Variants in ITGAE observed in about 807,000 individuals in gnomAD.
The protein encoded by ITGAE is integrin subunit alpha E.
ITGAE carries 99 observed loss-of-function variants against 136.5 expected under a neutral mutation model. That is an observed-to-expected ratio of 0.73 (90% CI 0.62 to 0.86). The LOEUF (loss-of-function observed/expected upper bound fraction) is 0.86. Ranked by LOEUF, ITGAE falls within the 40% of genes least tolerant of loss-of-function variation. The pLI is 0.00. For synonymous variants in ITGAE, 613 were observed against 591.8 expected, an observed-to-expected ratio of 1.04 and a Z score of -0.52; for missense variants, 1,447 against 1,515.3, an observed-to-expected ratio of 0.95 and a Z score of 0.75.
chr17:3,721,062 G>A (rs1012044552), intron 28 of ITGAE, among the ~76,000 whole-genome samples: 5 of 151,682 alleles, frequency 3.3e-5, no homozygotes, highest in Admixed American at 6.6e-5. Flanking sequence ...CTGAGTAGCT[G>A]AGACCACAGG....
chr17:3,767,235 T>C (rs2052321537), intron 2 of ITGAE, among the ~76,000 whole-genome samples: 1 of 152,150 alleles, frequency 6.6e-6, no homozygotes, highest in Non-Finnish European at 1.5e-5. Context: ...GTGCTGCGAT[T>C]ACAGGCGCCC....
chr17:3,753,376 T>C lies in ITGAE; in HGVS notation c.1582A>G (p.Ser528Gly). The C allele has an allele frequency of 6.2e-7, 1 of 1,614,184 alleles. No homozygotes were observed. The highest frequency in any genetic ancestry group is 8.5e-7 in the Non-Finnish European group (1 of 1,180,022). The change falls in exon 14 of 31, where the codon AGC (serine) becomes GGC (glycine). Residue 528 changes from serine to glycine, a missense_variant. This residue lies in a region of ITGAE where 1,031 missense variants were observed against 1,011.4 expected (regional missense o/e 1.02). Transcript: ENST00000263087. The part of the protein sequence containing the change: ...LCPVDIDMDG[S>G]TDFLLVAAPF... ...GCAGCCACCAGCAAGAAGTCCGTGC[T>C]TCCATCCATGTCAATGTCCACAGGG... is the stretch of plus-strand genomic sequence containing the variant.
intron 2 of ITGAE, among the ~76,000 whole-genome samples, chr17:3,764,565 C>T (rs776506638): frequency 5.3e-5 from 8 of 152,162 alleles, no homozygotes; most frequent in Non-Finnish European, 7.4e-5. Flanking sequence ...GGCATGGTGG[C>T]GTGTGCCTGT....
intron 26 of ITGAE, chr17:3,725,989 T>G: frequency 1.2e-6 from 2 of 1,613,900 alleles, no homozygotes; most frequent in Non-Finnish European, 1.7e-6. Context: ...CAAGTGAGCA[T>G]CATTGACTAC....
intron 1 of ITGAE, among the ~76,000 whole-genome samples, chr17:3,791,438 A>G (rs1332786241): frequency 4.6e-5 from 7 of 151,976 alleles, no homozygotes; most frequent in Admixed American, 4.6e-4. Flanking sequence ...GTGTGCCAAC[A>G]TGCCTGGCTA....
chr17:3,735,035 G>A (rs1256213710), intron 20 of ITGAE, 86 bp from the exon 21 acceptor site: 2 of 1,484,024 alleles, frequency 1.3e-6, no homozygotes, highest in Non-Finnish European at 1.9e-6. Flanking sequence ...ACCGAGGCTA[G>A]AGCGTGGTGC....
intron 20 of ITGAE, among the ~76,000 whole-genome samples, chr17:3,735,898 C>T (rs1222900622): frequency 1.3e-5 from 2 of 152,146 alleles, no homozygotes; most frequent in Non-Finnish European, 2.9e-5. Flanking sequence ...CATCCCAACA[C>T]TTTGGGAGGC....
chr17:3,749,482 G>C (rs2051809394), intron 16 of ITGAE, among the ~76,000 whole-genome samples: 1 of 152,034 alleles, frequency 6.6e-6, no homozygotes, highest in Non-Finnish European at 1.5e-5. Context: ...TCCATCTCCT[G>C]ACCTTGTGAT....
Position 3,727,935 on chromosome 17 carries a change from T to C in ITGAE, c.3068A>G (p.Lys1023Arg). 1 of 1,612,648 alleles carries C rather than the reference T, an allele frequency of 6.2e-7. No homozygotes were observed. Among genetic ancestry groups the C allele is most frequent in the South Asian group, 1.1e-5 (1 of 91,070 alleles). Residue 1023 changes from lysine to arginine, a missense_variant, in exon 26 of 31, where the codon AAG becomes AGG. Coordinates refer to ENST00000263087, the MANE Select transcript of ITGAE (RefSeq NM_002208.5). Reference sequence around the variant, plus strand: ...TTTAAATACCTGAGTCCTCGTCAGCTTCTTCACTGCTACAACCTGGAGACC... The same window carrying C: ...TTTAAATACCTGAGTCCTCGTCAGCCTCTTCACTGCTACAACCTGGAGACC... ...LRGLQVVAVK[K>R]LTRTQASTVC... is the part of the protein sequence containing the mutation.
At chr17:3,755,957 CA>C in intron 10 of ITGAE, 60 bp from the exon 11 acceptor site, 2 of 1,504,964 alleles carry the variant, frequency 1.3e-6, no homozygotes, top group Non-Finnish European at 1.8e-6. Context: ...GAAACTGAGT[CA>C]GGGGACAGTC....
At chr17:3,724,330 C>T in intron 26 of ITGAE, 2 of 1,589,398 alleles carry the variant, frequency 1.3e-6, no homozygotes, top group Non-Finnish European at 1.7e-6. Context: ...CCCTGCGGCC[C>T]GCTCCGACTT....
chr17:3,775,552 T>A (rs1049023059), intron 2 of ITGAE, among the ~76,000 whole-genome samples: 2 of 151,422 alleles, frequency 1.3e-5, no homozygotes, highest in African/African-American at 4.9e-5. Context: ...CTCCACCTCC[T>A]GGGTTCAAGC....
chr17:3,793,532 G>C (rs867692817), intron 1 of ITGAE, among the ~76,000 whole-genome samples: 5 of 152,168 alleles, frequency 3.3e-5, no homozygotes, highest in Middle Eastern at 3.2e-3. Flanking sequence ...CTGGATTCGT[G>C]GGGGAGCAGC....
intron 27 of ITGAE, 105 bp downstream of exon 27, chr17:3,723,583 G>A (rs1230969427): frequency 8.1e-7 from 1 of 1,240,124 alleles, no homozygotes; most frequent in South Asian, 1.4e-5. Flanking sequence ...GGCAGCCCCC[G>A]GCACTGGCCG....
intron 18 of ITGAE, 136 bp downstream of exon 18, chr17:3,745,628 C>T (rs2051693909): frequency 1.2e-6 from 1 of 867,242 alleles, no homozygotes; most frequent in South Asian, 1.8e-5. Context: ...AGGCGTGAGC[C>T]ACCGTGCCTG....
rs141450308 is a variant in ITGAE, at chr17:3,777,559, G to A, written c.136C>T (p.Pro46Ser). The change falls in exon 2 of 31, where the codon CCC (proline) becomes TCC (serine). Residue 46 changes from proline (P) to serine (S), a missense_variant. Around this residue, in one of 3 missense-constraint regions of ITGAE, gnomAD observed 106 missense variants for 87.8 expected, o/e 1.21. Transcript: ENST00000263087. ...FVLSSLLHQD[P>S]STNQTWLLVT... ...ACTCACCAGGTCTGGTTGGTGCTGG[G>A]GTCTTGGTGCAGAAGGGAGCTGAGC... 155 of 1,613,730 alleles carry A rather than the reference G, an allele frequency of 9.6e-5. 1 individual carries two copies. In the African/African-American group the frequency reaches 1.9e-3, roughly 20 times the overall value.
At chr17:3,737,979 C>T (rs1407440585) in intron 20 of ITGAE, among the ~76,000 whole-genome samples, 1 of 152,152 alleles carries the variant, frequency 6.6e-6, no homozygotes, top group Non-Finnish European at 1.5e-5. Flanking sequence ...AACAGCTGTG[C>T]CTGCTTGTTA....
In ITGAE at chr17:3,754,013, C is replaced by G. The variant is rs2051940207; in HGVS notation, c.1385-88G>C. On this transcript the variant is annotated intron_variant, in intron 12 of 30. Coordinates refer to ENST00000263087, the MANE Select transcript of ITGAE (RefSeq NM_002208.5). ...CCCGGCACCTTCCCAGTCAGGCCTT[C>G]AAAGTGGCCTGGGGAGGGGGGCAAA... is the stretch of plus-strand genomic sequence containing the variant. The G allele has an allele frequency of 3.3e-6, 5 of 1,508,396 alleles. No homozygotes were observed. In the South Asian group the frequency reaches 5.9e-5, roughly 18 times the overall value. The allele number at this position is 1,508,396 out of a possible 1,614,324, so 93.4% of individuals were successfully genotyped here.
chr17:3,778,434 G>A (rs1278098125), intron 1 of ITGAE, among the ~76,000 whole-genome samples: 3 of 152,124 alleles, frequency 2.0e-5, no homozygotes, highest in African/African-American at 4.8e-5. Flanking sequence ...GCGGTGGCAC[G>A]TTCCTGTAAT....
Sources: gnomAD v4.1 joint callset for allele counts (sites outside exome capture counted in the v4.1 genomes callset) on GRCh38, gnomAD v4.1.1 for gene constraint, gnomAD v4.1.1 regional missense constraint, MANE v1.5 for transcripts, NCBI Gene and HGNC (gene_info 2026-07-23, HGNC 2026-07-21) for gene names.